PEX6: variants seen among roughly 807,000 people sequenced by gnomAD.
PEX6 encodes the protein peroxisomal biogenesis factor 6, also known as peroxisome biogenesis factor 6.
A neutral mutation model predicts 85.6 loss-of-function variants in PEX6; 55 were observed. The ratio of observed to expected loss-of-function variants is 0.64; its 90% CI spans 0.52 to 0.80. PEX6 has a LOEUF of 0.80. Among genes scored for constraint, PEX6 ranks in the 30% least tolerant of loss-of-function variants. The pLI, the probability that PEX6 is intolerant of heterozygous loss-of-function variation, is 0.00. For synonymous variants in PEX6, 519 were observed against 549.1 expected (o/e 0.95, Z 0.77); for missense variants, 1,099 against 1,260.3 (o/e 0.87, Z 1.94).
In PEX6 at chr6:42,978,854, C is replaced by T. The variant is rs1217985540; in HGVS notation, c.297G>A (p.Arg99=). Residue 99 remains arginine, a synonymous_variant, in exon 1 of 17, where the codon CGG becomes CGA. Transcript: ENST00000304611. ...GCAGTGCCCAACCTAGCGCCGGGGG[C>T]CGCCGCACCGCCCGCGCCCGCACCC... is the stretch of plus-strand genomic sequence containing the variant. ...GAWVRARAVR[R]PPALGWALLG... is the part of the protein sequence containing the mutation. The T allele has an allele frequency of 6.7e-7, 1 of 1,503,122 alleles. No homozygotes were observed. The highest frequency in any genetic ancestry group is 1.2e-5 in the South Asian group (1 of 80,540). 93.1% of individuals were successfully genotyped at this position (1,503,122 alleles called of 1,614,324 possible).
Position 42,965,008 on chromosome 6 carries a change from T to C in PEX6, c.2666+67A>G. On this transcript the variant is annotated intron_variant, in intron 15 of 16. Transcript: ENST00000304611. This position sits in a 1 kb window ranked among gnomAD's most constrained non-coding sequence, Gnocchi z 5.0. ...CCAGTGCTGACCAGCTCATCCTGCATGTTGCATGCATCCCCTAAGCATCCC... is the reference window on the plus strand; with the variant it reads ...CCAGTGCTGACCAGCTCATCCTGCACGTTGCATGCATCCCCTAAGCATCCC... 3.1e-6 allele frequency: 5 copies of C among 1,611,846 alleles called. No individual in the cohort carries two copies. Among genetic ancestry groups the C allele is most frequent in the Non-Finnish European group, 4.2e-6 (5 of 1,177,874 alleles).
In PEX6 at chr6:42,974,891, G is replaced by A. The variant is rs1770222803; in HGVS notation, c.1030C>T (p.His344Tyr). 3.7e-6 allele frequency: 6 copies of A among 1,613,904 alleles called. No homozygotes were observed. The highest frequency in any genetic ancestry group is 1.6e-4 in the Middle Eastern group (1 of 6,084). Residue 344 changes from histidine (H) to tyrosine (Y), a missense_variant, in exon 2 of 17, where the codon CAC becomes TAC. This residue lies in a region of PEX6 where 579 missense variants were observed against 611.6 expected (regional missense o/e 0.95). Transcript: ENST00000304611. ...GTAGCTAACCTGGGTATCTGAAAGT[G>A]CCGGTAAAGAACACCGTCATAATTT... ...NGNYDGVLYR[H>Y]FQIPRVVQEG... is the part of the protein sequence containing the mutation.
intron 7 of PEX6, among the ~76,000 whole-genome samples, chr6:42,967,908 A>G (rs2114243502): frequency 6.6e-6 from 1 of 151,292 alleles, no homozygotes; most frequent in East Asian, 1.9e-4. Context: ...GGGAGGACTG[A>G]AAGGCTGAAA....
intron 1 of PEX6, among the ~76,000 whole-genome samples, chr6:42,976,848 C>T (rs1222714434): frequency 6.6e-6 from 1 of 152,084 alleles, no homozygotes; most frequent in African/African-American, 2.4e-5. Context: ...AATATTAAAA[C>T]TAAACACCAG....
Position 42,975,749 on chromosome 6 carries a change from C to T in PEX6, c.883-711G>A, listed in dbSNP as rs190172579. On this transcript the variant is annotated intron_variant, in intron 1 of 16. Transcript: ENST00000304611. Reference sequence around the variant, plus strand: ...TTTTTGAGACTTAGTCTCACTTTGTCGCCCATGATGAAGTGCAGTGGCACA... The same window carrying T: ...TTTTTGAGACTTAGTCTCACTTTGTTGCCCATGATGAAGTGCAGTGGCACA... Among the ~76,000 whole-genome samples the T allele has an allele frequency of 2.9e-3, 428 of 147,416 alleles. 3 individuals carry two copies. Among genetic ancestry groups the T allele is most frequent in the Middle Eastern group, 7.1e-3 (2 of 282 alleles).
intron 1 of PEX6, among the ~76,000 whole-genome samples, chr6:42,976,261 A>G (rs546430257): frequency 6.6e-6 from 1 of 152,312 alleles, no homozygotes; most frequent in Non-Finnish European, 1.5e-5. Flanking sequence ...TTAAAAAGCC[A>G]CAAAGTGGCT....
Position 42,965,951 on chromosome 6 carries a change from G to T in PEX6, c.2362+93C>A. 6.9e-7 allele frequency: 1 copy of T among 1,452,528 alleles called. No individual in the cohort carries two copies. The highest frequency in any genetic ancestry group is 9.7e-7 in the Non-Finnish European group (1 of 1,035,348). 90.0% of individuals were successfully genotyped at this position (1,452,528 alleles called of 1,614,324 possible). ...CCTGACTTGTAGAAAGGAGGATTAG[G>T]AATGATCATGAGTAGCCTGGGAGTA... On this transcript the variant is annotated intron_variant, in intron 12 of 16. Transcript: ENST00000304611. This position sits in a 1 kb window ranked among gnomAD's most constrained non-coding sequence, Gnocchi z 5.0.
chr6:42,966,233 C>G lies in PEX6; in HGVS notation c.2300+9G>C. Reference sequence around the variant, plus strand: ...TCCACCCACCATCCCTTCCAGGCCCCCTGGCCACCTGAGGAAGGTAAGGCT... The same window carrying G: ...TCCACCCACCATCCCTTCCAGGCCCGCTGGCCACCTGAGGAAGGTAAGGCT... On this transcript the variant is annotated intron_variant, in intron 11 of 16. Coordinates refer to ENST00000304611, the MANE Select transcript of PEX6 (RefSeq NM_000287.4). 6.2e-7 allele frequency: 1 copy of G among 1,611,944 alleles called. No homozygotes were observed. Among genetic ancestry groups the G allele is most frequent in the East Asian group, 2.2e-5 (1 of 44,866 alleles).
intron 1 of PEX6, among the ~76,000 whole-genome samples, chr6:42,977,860 T>G (rs1041306121): frequency 7.4e-6 from 1 of 135,944 alleles, no homozygotes; most frequent in Non-Finnish European, 1.6e-5. Flanking sequence ...TTTTTTTTTT[T>G]GAGACAGAGT....
At position 42,965,795 on chromosome 6, in the gene PEX6, G is replaced by T; in HGVS notation, c.2363-6C>A. The stretch of plus-strand genomic sequence containing the variant: ...AGCCCTGGCCCTGGCAAACACTGAA[G>T]AGAGAGAGGGGCCCACAGGAGGGCA... On this transcript the variant is annotated splice_polypyrimidine_tract_variant and splice_region_variant and intron_variant, in intron 12 of 16. Coordinates refer to ENST00000304611, the MANE Select transcript of PEX6 (RefSeq NM_000287.4). The surrounding 1 kb of genome is among the most constrained non-coding windows in gnomAD (Gnocchi z 5.0). 1 of 1,607,804 alleles carries T rather than the reference G, an allele frequency of 6.2e-7. No homozygotes were observed. Among genetic ancestry groups the T allele is most frequent in the South Asian group, 1.1e-5 (1 of 90,840 alleles).
At position 42,970,892 on chromosome 6, in the gene PEX6, G is replaced by A. The variant is rs193242937; in HGVS notation, c.1131-905C>T. ...GCATAACCAGGGCTGCGCAGTAGTT[G>A]GCGAGTGTCATAGTGAGTTAGGGTT... On this transcript the variant is annotated intron_variant, in intron 3 of 16. Transcript: ENST00000304611. Among the ~76,000 whole-genome samples, 5 of 152,318 alleles carry A rather than the reference G, an allele frequency of 3.3e-5. No homozygotes were observed. The East Asian group carries it at 7.7e-4, about 24-fold the overall frequency.
intron 12 of PEX6, 27 bp downstream of exon 12, chr6:42,966,017 A>AG (rs774031202): frequency 9.5e-5 from 153 of 1,611,308 alleles, no homozygotes; most frequent in South Asian, 1.3e-4. Flanking sequence ...GAAGCATGGG[A>AG]CGCCCTGCCC....
chr6:42,965,214 C>G lies in PEX6; in HGVS notation c.2588+38G>C. On this transcript the variant is annotated intron_variant, in intron 14 of 16. Coordinates refer to ENST00000304611, the MANE Select transcript of PEX6 (RefSeq NM_000287.4). The surrounding 1 kb of genome is among the most constrained non-coding windows in gnomAD (Gnocchi z 5.0). ...CCAGCCATGAGGGGTGAAGGAGGCA[C>G]AAAATGAGGGTGGAGATGAGCAGTA... 1 of 1,608,718 alleles carries G rather than the reference C, an allele frequency of 6.2e-7. No homozygotes were observed. Among genetic ancestry groups the G allele is most frequent in the South Asian group, 1.1e-5 (1 of 90,968 alleles).
rs746681634 is a variant in PEX6, at chr6:42,978,691, G to C, written c.460C>G (p.Arg154Gly). The C allele has an allele frequency of 4.5e-6, 7 of 1,551,326 alleles. No homozygotes were observed. The highest frequency in any genetic ancestry group is 4.3e-6 in the Non-Finnish European group (5 of 1,155,546). ...ALQGLLGPGT[R>G]LAVTELRGRA... ...CCGCGGAGCTCAGTCACAGCCAGCC[G>C]AGTCCCTGGGCCCAGCAGCCCTTGC... The change falls in exon 1 of 17, where the codon CGG (arginine) becomes GGG (glycine). Residue 154 changes from arginine to glycine, a missense_variant. Arg to Gly is a moderately radical substitution (Grantham distance 125). Around this residue, in one of 3 missense-constraint regions of PEX6, gnomAD observed 579 missense variants for 611.6 expected, o/e 0.95. Coordinates refer to ENST00000304611, the MANE Select transcript of PEX6 (RefSeq NM_000287.4).
rs1412728890 is a variant in PEX6, at chr6:42,979,101, G to A, written c.50C>T (p.Pro17Leu). The A allele has an allele frequency of 1.7e-5, 27 of 1,560,770 alleles. No homozygotes were observed. The highest frequency in any genetic ancestry group is 2.2e-5 in the Non-Finnish European group (26 of 1,162,068). ...RVLEPFPTET[P>L]PLAVLLPPGG... ...GGGTGGCAGCAGCACTGCCAACGGG[G>A]GTGTCTCGGTCGGAAAGGGCTCCAG... Residue 17 changes from proline to leucine, a missense_variant, in exon 1 of 17, where the codon CCC (proline) becomes CTC (leucine). By Grantham distance (98) the Pro-to-Leu change is moderately conservative. Coordinates refer to ENST00000304611, the MANE Select transcript of PEX6 (RefSeq NM_000287.4).
intron 3 of PEX6, among the ~76,000 whole-genome samples, chr6:42,973,310 C>A (rs1411151148): frequency 6.6e-6 from 1 of 150,956 alleles, no homozygotes; most frequent in African/African-American, 2.5e-5. Flanking sequence ...CCACACCTGG[C>A]CTAAACTCTT....
rs374342179 is a variant in PEX6, at chr6:42,978,392, A to G, written c.759T>C (p.Asp253=). Residue 253 remains aspartate, a synonymous_variant, in exon 1 of 17, where the codon GAT becomes GAC. Coordinates refer to ENST00000304611, the MANE Select transcript of PEX6 (RefSeq NM_000287.4). The part of the protein sequence containing the change: ...QVLEPRWDLS[D]RLGPGSGPLG... ...GCGGTCCAGAGCCGGGTCCCAGTCT[A>G]TCAGAGAGGTCCCAGCGAGGTTCTA... The G allele has an allele frequency of 3.1e-6, 5 of 1,614,146 alleles. No homozygotes were observed. In the East Asian group the frequency reaches 6.7e-5, roughly 22 times the overall value.
Position 42,965,553 on chromosome 6 carries a change from T to G in PEX6, c.2471+128A>C. On this transcript the variant is annotated intron_variant, in intron 13 of 16. Coordinates refer to ENST00000304611, the MANE Select transcript of PEX6 (RefSeq NM_000287.4). This position sits in a 1 kb window ranked among gnomAD's most constrained non-coding sequence, Gnocchi z 5.0. The stretch of plus-strand genomic sequence containing the variant: ...GCCCAATTTCATGGCCCCTTTCAGC[T>G]TCCATTATATTATCTCAGAACTGAA... 1.1e-6 allele frequency: 1 copy of G among 908,776 alleles called. No homozygotes were observed. Among genetic ancestry groups the G allele is most frequent in the Non-Finnish European group, 1.9e-6 (1 of 539,746 alleles). 56.3% of individuals were successfully genotyped at this position (908,776 alleles called of 1,614,324 possible).
chr6:42,965,405 T>C lies in PEX6; in HGVS notation c.2472-37A>G. ...GGAGCAAGGGCAAGAGTCCTTGGTG[T>C]CCCCCTTAGACTCTGCCCCTGCCTG... On this transcript the variant is annotated intron_variant, in intron 13 of 16. Transcript: ENST00000304611. This position sits in a 1 kb window ranked among gnomAD's most constrained non-coding sequence, Gnocchi z 5.0. 6.8e-7 allele frequency: 1 copy of C among 1,459,888 alleles called. No homozygotes were observed. Among genetic ancestry groups the C allele is most frequent in the Non-Finnish European group, 9.6e-7 (1 of 1,040,908 alleles). The allele number at this position is 1,459,888 out of a possible 1,614,324, so 90.4% of individuals were successfully genotyped here. A position where few individuals can be genotyped will look rare whatever the true frequency, so the allele number is the denominator to read the frequency against.
Sources: gnomAD v4.1 joint callset for allele counts (sites outside exome capture counted in the v4.1 genomes callset) on GRCh38, gnomAD v4.1.1 for gene constraint, gnomAD v4.1.1 regional missense constraint, Gnocchi (gnomAD v3.1) non-coding constraint, MANE v1.5 for transcripts, NCBI Gene and HGNC (gene_info 2026-07-23, HGNC 2026-07-21) for gene names.